The following DENND2A variants were observed in gnomAD, a reference collection of about 807,000 sequenced individuals.
The protein encoded by DENND2A is DENN domain-containing protein 2A.
Under a neutral mutation model 105.3 loss-of-function variants are expected in DENND2A, and 53 were observed. The observed-to-expected ratio is 0.50, with a 90% CI of 0.40 to 0.63. DENND2A has a LOEUF of 0.63. DENND2A is among the 30% of genes least tolerant of loss of function. The pLI, the probability that DENND2A is intolerant of heterozygous loss-of-function variation, is 0.00. For missense variants in DENND2A, 1,138 were observed against 1,279.6 expected (o/e 0.89, Z 1.69); for synonymous variants, 522 against 508.4 (o/e 1.03, Z -0.36).
intron 1 of DENND2A, among the ~76,000 whole-genome samples, chr7:140,612,745 G>A (rs1008464220): frequency 6.6e-5 from 10 of 151,886 alleles, no homozygotes; most frequent in African/African-American, 2.4e-4. Flanking sequence ...CAAGTGATCC[G>A]CCCACCTTGG....
Position 140,551,170 on chromosome 7 carries a change from G to A in DENND2A, c.2038-4231C>T, listed in dbSNP as rs145997588. On this transcript the variant is annotated intron_variant, in intron 12 of 19. Transcript: ENST00000496613. ...ACAAAAATTAGCTGGGTGTGGTGGC[G>A]GGCTCCTGTAATCTCAGCTACTCGG... Among the ~76,000 whole-genome samples the A allele has an allele frequency of 1.0e-2, 1,510 of 151,500 alleles. 26 individuals carry two copies. The highest frequency in any genetic ancestry group is 0.033 in the African/African-American group (1,368 of 41,334).
At chr7:140,572,232 C>T (rs543231956) in intron 6 of DENND2A, among the ~76,000 whole-genome samples, 46 of 151,798 alleles carry the variant, frequency 3.0e-4, no homozygotes, top group Non-Finnish European at 1.5e-4. Flanking sequence ...GTCTTGAACT[C>T]CTGGGCTAAA....
rs1172631519 is a variant in DENND2A at position 140,523,712 on chromosome 7, C to A, written c.2548-288G>T. ...GCCTCAGCCTCCCAAGTAGCTGGAACTACAGGCGCGTGCCACCGCTCCTGG... is the reference window on the plus strand; with the variant it reads ...GCCTCAGCCTCCCAAGTAGCTGGAAATACAGGCGCGTGCCACCGCTCCTGG... On this transcript the variant is annotated intron_variant, in intron 16 of 19. Transcript: ENST00000496613. This position sits in a 1 kb window ranked among gnomAD's most constrained non-coding sequence, Gnocchi z 4.5. Among the ~76,000 whole-genome samples the A allele has an allele frequency of 6.6e-6, 1 of 152,158 alleles. No homozygotes were observed. Among genetic ancestry groups the A allele is most frequent in the Non-Finnish European group, 1.5e-5 (1 of 68,036 alleles).
At position 140,522,006 on chromosome 7, in the gene DENND2A, C is replaced by A; in HGVS notation, c.2760G>T (p.Ser920=). 1 of 1,614,176 alleles carries A rather than the reference C, an allele frequency of 6.2e-7. No homozygotes were observed. ...IVGHYSLFLT[S]GEREERTLQR... ...GCAGGGTTCTCTCCTCACGCTCGCC[C>A]GACGTCAGGAACAAAGAGTAGTGTC... The change falls in exon 18 of 20, where the codon TCG becomes TCT. Residue 920 remains serine (S), a synonymous_variant. Transcript: ENST00000496613.
rs751507436 is a variant in DENND2A at position 140,567,221 on chromosome 7, C to T, written c.1644G>A (p.Arg548=). ...TGAGTTCCCGGGCAAGTGATGGGTA[C>T]CGAGGCGCCTGCTTCAGCCGGGACT... ...NVKSRLKQAP[R]YPSLARELIE... is the part of the protein sequence containing the mutation. The change falls in exon 9 of 20, where the codon CGG becomes CGA. Residue 548 remains arginine (R), a synonymous_variant. Transcript: ENST00000496613. 6.2e-7 allele frequency: 1 copy of T among 1,611,286 alleles called. No homozygotes were observed. Among genetic ancestry groups the T allele is most frequent in the Non-Finnish European group, 8.5e-7 (1 of 1,178,820 alleles).
intron 2 of DENND2A, among the ~76,000 whole-genome samples, chr7:140,604,359 G>C (rs1799620469): frequency 6.6e-6 from 1 of 152,186 alleles, no homozygotes; most frequent in Admixed American, 6.5e-5. Flanking sequence ...CATTTTTTTG[G>C]CAAACACATT....
At chr7:140,595,773 A>G (rs988510285) in intron 3 of DENND2A, among the ~76,000 whole-genome samples, 4 of 152,212 alleles carry the variant, frequency 2.6e-5, no homozygotes, top group African/African-American at 9.6e-5. Flanking sequence ...GTTTAAAAAA[A>G]AAAAAAGCTT....
rs190327633 is a variant in DENND2A, at chr7:140,586,246, C to T, written c.1124-536G>A. On this transcript the variant is annotated intron_variant, in intron 4 of 19. Coordinates refer to ENST00000496613, the MANE Select transcript of DENND2A (RefSeq NM_015689.5). ...AGAAATGGAGGAAGGGGGCTGGGTGCGGTGGCTCACACCTGTAATCCCAGG... is the reference window on the plus strand; with the variant it reads ...AGAAATGGAGGAAGGGGGCTGGGTGTGGTGGCTCACACCTGTAATCCCAGG... Among the ~76,000 whole-genome samples, 25 of 151,954 alleles carry T rather than the reference C, an allele frequency of 1.6e-4. No individual in the cohort carries two copies. In the East Asian group the frequency reaches 2.5e-3, roughly 15 times the overall value.
intron 1 of DENND2A, among the ~76,000 whole-genome samples, chr7:140,638,308 G>A (rs1019965135): frequency 6.6e-6 from 1 of 152,222 alleles, no homozygotes; most frequent in African/African-American, 2.4e-5. Context: ...AGGCCACTCA[G>A]AAGGTCCACA....
intron 3 of DENND2A, among the ~76,000 whole-genome samples, chr7:140,596,570 A>G (rs1372842513): frequency 6.6e-6 from 1 of 152,348 alleles, no homozygotes; most frequent in East Asian, 1.9e-4. Flanking sequence ...GCACAGTGTG[A>G]TCTGGCAGCC....
intron 5 of DENND2A, among the ~76,000 whole-genome samples, chr7:140,583,711 C>G (rs1798642584): frequency 6.7e-6 from 1 of 149,684 alleles, no homozygotes; most frequent in South Asian, 2.1e-4. Flanking sequence ...GGGCAGATCA[C>G]AAGGTCAGGA....
intron 1 of DENND2A, among the ~76,000 whole-genome samples, chr7:140,638,920 G>C (rs763565064): frequency 1.3e-5 from 2 of 152,210 alleles, no homozygotes; most frequent in Non-Finnish European, 1.5e-5. Context: ...TACCCAGCTA[G>C]GATGGTGTTC....
chr7:140,571,963 T>C (rs534778074), intron 6 of DENND2A, among the ~76,000 whole-genome samples: 34 of 151,110 alleles, frequency 2.3e-4, no homozygotes, highest in Non-Finnish European at 4.0e-4. Flanking sequence ...ATTCCCTAAG[T>C]GGACTTCAGC....
intron 4 of DENND2A, among the ~76,000 whole-genome samples, chr7:140,587,301 C>T (rs1331569409): frequency 6.6e-6 from 1 of 152,112 alleles, no homozygotes; most frequent in East Asian, 1.9e-4. Flanking sequence ...AGTTCAGAGA[C>T]GTGAAGTCAC....
At chr7:140,630,639 G>A (rs1800704114) in intron 1 of DENND2A, among the ~76,000 whole-genome samples, 1 of 152,104 alleles carries the variant, frequency 6.6e-6, no homozygotes, top group South Asian at 2.1e-4. Context: ...GAGGTCAGGA[G>A]TTCGAGACCA....
chr7:140,568,800 G>A lies in DENND2A; in HGVS notation c.1554C>T (p.Asn518=). The A allele has an allele frequency of 6.2e-7, 1 of 1,614,132 alleles. No homozygotes were observed. The highest frequency in any genetic ancestry group is 8.5e-7 in the Non-Finnish European group (1 of 1,180,018). ...CCTCTGTGTCACTGTCAGACTCACT[G>A]TTCTCATCTGTCACTAGAAGAAAAG... ...ESNSGKVTDE[N]SESDSDTEEK... The change falls in exon 8 of 20, where the codon AAC becomes AAT. Residue 518 remains asparagine (N), a synonymous_variant. Coordinates refer to ENST00000496613, the MANE Select transcript of DENND2A (RefSeq NM_015689.5).
intron 12 of DENND2A, among the ~76,000 whole-genome samples, chr7:140,551,884 G>A (rs771879083): frequency 2.6e-5 from 4 of 152,082 alleles, no homozygotes; most frequent in Admixed American, 2.6e-4. Context: ...TGTGGTCTTC[G>A]GCAAGTCATT....
rs1341970091 is a variant in DENND2A at position 140,569,722 on chromosome 7, T to A, written c.1463A>T (p.Asn488Ile). ...RKIPKLVLRI[N>I]AIYEVRRGKK... is the part of the protein sequence containing the mutation. ...TCCTCTCCGGACCTCATAAATGGCGTTGATTCGCAACACCAGCTGCCAGAC... is the reference window on the plus strand; with the variant it reads ...TCCTCTCCGGACCTCATAAATGGCGATGATTCGCAACACCAGCTGCCAGAC... The change falls in exon 7 of 20, where the codon AAC (asparagine) becomes ATC (isoleucine). Residue 488 changes from asparagine to isoleucine, a missense_variant. Asn to Ile is a moderately radical substitution (Grantham distance 149). This residue lies in a region of DENND2A where 627 missense variants were observed against 779.8 expected (regional missense o/e 0.80). Coordinates refer to ENST00000496613, the MANE Select transcript of DENND2A (RefSeq NM_015689.5). 3 of 1,613,394 alleles carry A rather than the reference T, an allele frequency of 1.9e-6. No individual in the cohort carries two copies. Among genetic ancestry groups the A allele is most frequent in the Admixed American group, 3.3e-5 (2 of 60,012 alleles).
Position 140,583,657 on chromosome 7 carries a change from C to T in DENND2A, c.1245+1932G>A, listed in dbSNP as rs192851849. On this transcript the variant is annotated intron_variant, in intron 5 of 19. Coordinates refer to ENST00000496613, the MANE Select transcript of DENND2A (RefSeq NM_015689.5). ...TATAAAAGTCAAATTTCGCCGGGCG[C>T]GGTGGCTCACGCCTGCAACCCCAGC... 3.1e-3 allele frequency among the ~76,000 whole-genome samples: 471 copies of T among 150,404 alleles called. 6 individuals carry two copies. Among genetic ancestry groups the T allele is most frequent in the Non-Finnish European group, 5.0e-3 (341 of 68,004 alleles).
Sources: gnomAD v4.1 joint callset for allele counts (sites outside exome capture counted in the v4.1 genomes callset) on GRCh38, gnomAD v4.1.1 for gene constraint, gnomAD v4.1.1 regional missense constraint, Gnocchi (gnomAD v3.1) non-coding constraint, MANE v1.5 for transcripts, NCBI Gene and HGNC (gene_info 2026-07-23, HGNC 2026-07-21) for gene names.